The following EPHB1 variants were observed in gnomAD, a reference collection of about 807,000 sequenced individuals.
The protein encoded by EPHB1 is ephrin type-B receptor 1.
Under a neutral mutation model 94.4 loss-of-function variants are expected in EPHB1, and 30 were observed. That is an observed-to-expected ratio of 0.32 (90% confidence interval 0.24 to 0.43). The LOEUF is 0.43. Ranked by LOEUF, EPHB1 falls within the 20% of genes least tolerant of loss-of-function variation. EPHB1 has a pLI of 1.00. For synonymous variants in EPHB1, 522 were observed against 489.1 expected (o/e 1.07, Z -0.89); for missense variants, 1,055 against 1,308.3 (o/e 0.81, Z 2.99).
chr3:135,220,416 G>A (rs570681978), intron 12 of EPHB1, among the ~76,000 whole-genome samples: 2 of 152,224 alleles, frequency 1.3e-5, no homozygotes, highest in African/African-American at 4.8e-5. Flanking sequence ...GGAAAGGAAG[G>A]TTCTCAGCGA....
chr3:135,052,102 T>C (rs941849820), intron 3 of EPHB1, among the ~76,000 whole-genome samples: 3 of 152,216 alleles, frequency 2.0e-5, no homozygotes, highest in Non-Finnish European at 4.4e-5. Flanking sequence ...TTGGCTCTAT[T>C]TGAGCATTTA....
chr3:134,851,926 A>G (rs2280156), intron 1 of EPHB1, among the ~76,000 whole-genome samples: 32,213 of 152,048 alleles, frequency 0.21, 3,731 homozygotes, highest in African/African-American at 0.3. Flanking sequence ...GTGTGCTTCC[A>G]TGGGCCTTAG....
intron 3 of EPHB1, among the ~76,000 whole-genome samples, chr3:134,970,669 TGAAGAGGCTGGAGTCCCCTAGGCCAC>T (rs1416065611): frequency 1.3e-5 from 2 of 152,138 alleles, no homozygotes; most frequent in Admixed American, 1.3e-4. Context: ...ATTTGAAGAA[TGAAGAGGCTGGAGTCCCCTAGGCCAC>T]ACGGCTGCAG....
At chr3:135,179,346 T>C (rs1242447943) in intron 9 of EPHB1, among the ~76,000 whole-genome samples, 1 of 152,184 alleles carries the variant, frequency 6.6e-6, no homozygotes, top group Non-Finnish European at 1.5e-5. Flanking sequence ...CATCTCCAGA[T>C]TTTTCTAACA....
At chr3:134,812,173 T>C (rs2036191701) in intron 1 of EPHB1, among the ~76,000 whole-genome samples, 1 of 152,242 alleles carries the variant, frequency 6.6e-6, no homozygotes, top group Non-Finnish European at 1.5e-5. Flanking sequence ...GTTTTAGATG[T>C]ACAATTCCGT....
At chr3:135,188,452 G>A (rs980173458) in intron 10 of EPHB1, among the ~76,000 whole-genome samples, 5 of 152,096 alleles carry the variant, frequency 3.3e-5, no homozygotes, top group African/African-American at 4.8e-5. Flanking sequence ...TCGAGATCAC[G>A]CCACTGCAAT....
Position 135,162,011 on chromosome 3 carries a change from C to G in EPHB1, c.1423-7C>G, listed in dbSNP as rs369140602. 146 of 1,603,770 alleles carry G rather than the reference C, an allele frequency of 9.1e-5. 1 individual carries two copies. Among genetic ancestry groups the G allele is most frequent in the Middle Eastern group, 1.7e-4 (1 of 6,020 alleles). Reference sequence around the variant, plus strand: ...GGATAGTGACCCTTTCCCTTGCTTTCTTTTAGGAACACAATGAGTTCAACT... The same window carrying G: ...GGATAGTGACCCTTTCCCTTGCTTTGTTTTAGGAACACAATGAGTTCAACT... On this transcript the variant is annotated splice_region_variant and splice_polypyrimidine_tract_variant and intron_variant, in intron 6 of 15. Transcript: ENST00000398015.
chr3:134,835,788 A>C (rs2036663889), intron 1 of EPHB1, among the ~76,000 whole-genome samples: 1 of 152,142 alleles, frequency 6.6e-6, no homozygotes, highest in Non-Finnish European at 1.5e-5. Context: ...AAGGGGTGTC[A>C]AGATTTCTGG....
chr3:135,126,712 C>T (rs1210144873), intron 4 of EPHB1, among the ~76,000 whole-genome samples: 1 of 152,188 alleles, frequency 6.6e-6, no homozygotes, highest in East Asian at 1.9e-4. Flanking sequence ...TTGATTTGCA[C>T]TGGTCATGTC....
At chr3:135,122,925 C>T (rs1940033684) in intron 4 of EPHB1, among the ~76,000 whole-genome samples, 1 of 152,166 alleles carries the variant, frequency 6.6e-6, no homozygotes, top group Non-Finnish European at 1.5e-5. Flanking sequence ...GTTTCCAAGA[C>T]CCTAATGAGC....
chr3:135,042,768 A>G (rs951351617), intron 3 of EPHB1, among the ~76,000 whole-genome samples: 2 of 152,260 alleles, frequency 1.3e-5, no homozygotes, highest in South Asian at 2.1e-4. Context: ...TCATTATCCA[A>G]CTGATCACAG....
intron 1 of EPHB1, among the ~76,000 whole-genome samples, chr3:134,916,643 G>A (rs567833495): frequency 1.1e-4 from 16 of 152,314 alleles, no homozygotes; most frequent in South Asian, 6.2e-4. Flanking sequence ...GCGGCCAGCC[G>A]GCAGCTCTGA....
At chr3:135,034,139 G>C (rs961278611) in intron 3 of EPHB1, among the ~76,000 whole-genome samples, 3 of 152,028 alleles carry the variant, frequency 2.0e-5, no homozygotes, top group Admixed American at 2.0e-4. Context: ...CTTCAAAGCT[G>C]AGCTGATTTA....
At chr3:135,245,536 A>AAAAAAAAAAAAAAAG (rs1943898972) in intron 13 of EPHB1, among the ~76,000 whole-genome samples, 1 of 127,070 alleles carries the variant, frequency 7.9e-6, no homozygotes, top group African/African-American at 2.8e-5. Context: ...AAAAAAAAAA[A>AAAAAAAAAAAAAAAG]TCGGCCCGTG....
intron 4 of EPHB1, among the ~76,000 whole-genome samples, chr3:135,128,421 A>G (rs1940289943): frequency 6.6e-6 from 1 of 152,190 alleles, no homozygotes. Flanking sequence ...TCAGACTTTC[A>G]TTTGGCCATA....
intron 13 of EPHB1, among the ~76,000 whole-genome samples, chr3:135,244,173 C>G (rs949262437): frequency 1.3e-5 from 2 of 152,196 alleles, no homozygotes; most frequent in African/African-American, 4.8e-5. Flanking sequence ...CCTACAGAAC[C>G]TGTGTACCTA....
chr3:135,166,919 A>G (rs1941666681), intron 8 of EPHB1, 23 bp from the exon 9 acceptor site: 1 of 1,613,678 alleles, frequency 6.2e-7, no homozygotes, highest in South Asian at 1.1e-5. Flanking sequence ...TGTGGCTGAG[A>G]GAGCCCCTCT....
intron 1 of EPHB1, among the ~76,000 whole-genome samples, chr3:134,802,575 C>T (rs936089964): frequency 2.0e-5 from 3 of 152,152 alleles, no homozygotes; most frequent in African/African-American, 7.2e-5. Flanking sequence ...TAGTGCCCTC[C>T]ATGAGGAAGA....
At chr3:134,904,196 A>G (rs547152405) in intron 1 of EPHB1, among the ~76,000 whole-genome samples, 12 of 152,326 alleles carry the variant, frequency 7.9e-5, no homozygotes, top group Admixed American at 4.6e-4. Context: ...TCCTCCTCTG[A>G]GTGAACATTT....
Sources: gnomAD v4.1 joint callset for allele counts (sites outside exome capture counted in the v4.1 genomes callset) on GRCh38, gnomAD v4.1.1 for gene constraint, MANE v1.5 for transcripts, NCBI Gene and HGNC (gene_info 2026-07-23, HGNC 2026-07-21) for gene names.